FBXW11: variants seen among roughly 807,000 people sequenced by gnomAD.
The protein encoded by FBXW11 is F-box/WD repeat-containing protein 11.
In FBXW11, 19 loss-of-function variants were observed where a neutral mutation model predicts 77.6. That is an observed-to-expected ratio of 0.24 (90% CI 0.17 to 0.36). The LOEUF (loss-of-function observed/expected upper bound fraction) is 0.36. Among genes scored for constraint, FBXW11 ranks in the 10% least tolerant of loss-of-function variants. The pLI, the probability that FBXW11 is intolerant of heterozygous loss-of-function variation, is 1.00. For missense variants in FBXW11, 334 were observed against 704.2 expected (o/e 0.47, Z 5.95); for synonymous variants, 235 against 249.4 (o/e 0.94, Z 0.54).
intron 2 of FBXW11, among the ~76,000 whole-genome samples, chr5:171,949,602 T>C (rs1398720213): frequency 6.6e-6 from 1 of 152,092 alleles, no homozygotes; most frequent in Non-Finnish European, 1.5e-5. Flanking sequence ...ACAGTTAATA[T>C]ATTTAATATA....
At chr5:171,920,099 G>C (rs928972649) in intron 2 of FBXW11, among the ~76,000 whole-genome samples, 4 of 152,076 alleles carry the variant, frequency 2.6e-5, no homozygotes, top group African/African-American at 9.7e-5. Context: ...GGAGGCAGAG[G>C]TTGCAGTGAG....
chr5:171,991,508 A>C (rs1266176734), intron 1 of FBXW11, among the ~76,000 whole-genome samples: 1 of 152,210 alleles, frequency 6.6e-6, no homozygotes, highest in Non-Finnish European at 1.5e-5. Flanking sequence ...GTGTGTCTTT[A>C]AAATACCATA....
chr5:171,938,774 T>C (rs1762603762), intron 2 of FBXW11, among the ~76,000 whole-genome samples: 1 of 152,186 alleles, frequency 6.6e-6, no homozygotes, highest in African/African-American at 2.4e-5. Flanking sequence ...CGAAAGACAC[T>C]GGCTGAATAA....
chr5:171,885,838 T>C (rs1316981063), intron 7 of FBXW11, among the ~76,000 whole-genome samples: 1 of 152,214 alleles, frequency 6.6e-6, no homozygotes, highest in African/African-American at 2.4e-5. Flanking sequence ...ATATCTACAA[T>C]AGCAAAGCTT....
intron 5 of FBXW11, among the ~76,000 whole-genome samples, chr5:171,899,590 T>C (rs905620559): frequency 2.9e-4 from 44 of 152,196 alleles, no homozygotes; most frequent in African/African-American, 1.1e-3. Context: ...AATGGCACTA[T>C]CTGACTTTCT....
chr5:171,901,416 A>T (rs1760107316), intron 4 of FBXW11, among the ~76,000 whole-genome samples: 1 of 152,244 alleles, frequency 6.6e-6, no homozygotes, highest in African/African-American at 2.4e-5. Context: ...AAATGAGATG[A>T]TGCATGAAAA....
intron 2 of FBXW11, among the ~76,000 whole-genome samples, chr5:171,928,466 T>G (rs1227995726): frequency 6.6e-6 from 1 of 152,198 alleles, no homozygotes; most frequent in African/African-American, 2.4e-5. Context: ...AGAATTAAAC[T>G]GGACTTCAAT....
intron 7 of FBXW11, among the ~76,000 whole-genome samples, chr5:171,885,676 G>A (rs1758830917): frequency 6.6e-6 from 1 of 152,144 alleles, no homozygotes; most frequent in African/African-American, 2.4e-5. Context: ...GATATTTAAT[G>A]GGAGATGAGA....
At chr5:171,878,328 T>C (rs1196089937) in intron 7 of FBXW11, among the ~76,000 whole-genome samples, 199 bp from the exon 8 acceptor site, 2 of 152,208 alleles carry the variant, frequency 1.3e-5, no homozygotes, top group African/African-American at 4.8e-5. Flanking sequence ...AGATGTGCTA[T>C]TTTGCTTAAT....
chr5:172,006,262 G>C (rs963899564), intron 1 of FBXW11, among the ~76,000 whole-genome samples, 196 bp downstream of exon 1: 1 of 152,186 alleles, frequency 6.6e-6, no homozygotes, highest in Non-Finnish European at 1.5e-5. Context: ...GAGGGGGCCG[G>C]GCCAGGACCG....
Position 171,914,423 on chromosome 5 carries a change from G to C in FBXW11, c.148-18C>G. ...GAAGTGTTCTAGGGGGGGAAAAACA[G>C]GTTATTTGAATTATACCAAGTTTTG... On this transcript the variant is annotated intron_variant, in intron 2 of 13. Transcript: ENST00000517395. 1.9e-6 allele frequency: 3 copies of C among 1,561,720 alleles called. No homozygotes were observed. The highest frequency in any genetic ancestry group is 2.6e-6 in the Non-Finnish European group (3 of 1,161,488).
chr5:171,964,587 G>A (rs1398817140), intron 1 of FBXW11, among the ~76,000 whole-genome samples: 1 of 152,220 alleles, frequency 6.6e-6, no homozygotes, highest in Non-Finnish European at 1.5e-5. Context: ...AAGCAGCAGT[G>A]TTTGTAATTA....
chr5:171,950,714 C>T (rs534551614), intron 2 of FBXW11, among the ~76,000 whole-genome samples: 2 of 152,006 alleles, frequency 1.3e-5, no homozygotes, highest in African/African-American at 4.8e-5. Context: ...GGCAAAATCT[C>T]GTCTCCACTT....
In FBXW11 at chr5:171,863,427, G is replaced by C. The variant is rs1271095454; in HGVS notation, c.*700C>G. 1.2e-4 allele frequency: 19 copies of C among 152,708 alleles called. No individual in the cohort carries two copies. Among genetic ancestry groups the C allele is most frequent in the Admixed American group, 1.0e-3 (16 of 15,308 alleles). The allele number at this position is 152,708 out of a possible 1,614,324, so 9.5% of individuals were successfully genotyped here. On this transcript the variant is annotated 3_prime_UTR_variant, in exon 14 of 14. Transcript: ENST00000517395. Reference sequence around the variant, plus strand: ...AAAGGTGTTACTCTACCAAATATCAGGAGATGGTTGGGGGACAGAGAACAG... The same window carrying C: ...AAAGGTGTTACTCTACCAAATATCACGAGATGGTTGGGGGACAGAGAACAG...
chr5:171,908,727 T>C (rs996517401), intron 4 of FBXW11: 2 of 152,158 alleles, frequency 1.3e-5, no homozygotes, highest in Non-Finnish European at 2.9e-5. Flanking sequence ...GAAGAGAGAT[T>C]AGAAATCAGA....
At chr5:171,987,173 C>T (rs969250338) in intron 1 of FBXW11, among the ~76,000 whole-genome samples, 5 of 152,116 alleles carry the variant, frequency 3.3e-5, no homozygotes, top group Admixed American at 3.3e-4. Context: ...GTCCCTGGTG[C>T]CAAAAAGGTT....
intron 1 of FBXW11, among the ~76,000 whole-genome samples, chr5:171,993,263 T>C (rs1162724190): frequency 6.6e-6 from 1 of 152,072 alleles, no homozygotes; most frequent in Non-Finnish European, 1.5e-5. Flanking sequence ...CTCTGACTTG[T>C]TTGAAAAAAT....
chr5:171,875,495 G>A (rs1162804895), intron 9 of FBXW11, among the ~76,000 whole-genome samples: 1 of 152,130 alleles, frequency 6.6e-6, no homozygotes, highest in Non-Finnish European at 1.5e-5. Flanking sequence ...TTTAGAGCGC[G>A]ATGAAAATGT....
Position 171,995,829 on chromosome 5 carries a change from G to A in FBXW11, c.45+10629C>T, listed in dbSNP as rs536247457. ...CACCATGTGTTCTTTGAGTGGAAAC[G>A]TGTTGTAGAAAATCACACCTTGCTC... On this transcript the variant is annotated intron_variant, in intron 1 of 13. Transcript: ENST00000517395. 3.3e-5 allele frequency among the ~76,000 whole-genome samples: 5 copies of A among 152,230 alleles called. No homozygotes were observed. The East Asian group carries it at 9.6e-4, about 29-fold the overall frequency.
Sources: gnomAD v4.1 joint callset for allele counts (sites outside exome capture counted in the v4.1 genomes callset) on GRCh38, gnomAD v4.1.1 for gene constraint, MANE v1.5 for transcripts, NCBI Gene and HGNC (gene_info 2026-07-23, HGNC 2026-07-21) for gene names.